The following GPR157 variants were observed in gnomAD, a reference collection of about 807,000 sequenced individuals.
GPR157 encodes G-protein coupled receptor 157.
GPR157 carries 16 observed loss-of-function variants against 23.5 expected under a neutral mutation model. That is an observed-to-expected ratio of 0.68 (90% CI 0.46 to 1.04). The LOEUF (loss-of-function observed/expected upper bound fraction) is 1.04. Ranked by LOEUF, GPR157 falls within the 50% of genes least tolerant of loss-of-function variation. The probability of loss-of-function intolerance (pLI) is 0.00; values close to 1 mark genes in which losing one functional copy is unlikely to be tolerated. For missense variants in GPR157, 440 were observed against 460.7 expected (o/e 0.96, Z 0.41); for synonymous variants, 200 against 221.5 (o/e 0.90, Z 0.86).
intron 1 of GPR157, among the ~76,000 whole-genome samples, chr1:9,114,584 G>A (rs1638593287): frequency 6.6e-6 from 1 of 152,140 alleles, no homozygotes; most frequent in Admixed American, 6.5e-5. Context: ...GGCTCCCTCT[G>A]CATCCCGACG....
intron 2 of GPR157, among the ~76,000 whole-genome samples, chr1:9,110,851 T>C (rs1036734803): frequency 2.0e-5 from 3 of 152,168 alleles, no homozygotes; most frequent in Admixed American, 6.5e-5. Context: ...AGTCTTCCCT[T>C]CCCCTGGGGC....
intron 1 of GPR157, among the ~76,000 whole-genome samples, chr1:9,116,554 A>T (rs748825530): frequency 6.9e-6 from 1 of 145,768 alleles, no homozygotes; most frequent in Non-Finnish European, 1.5e-5. Context: ...CAGCCTGACC[A>T]ACATGGTGAA....
chr1:9,121,567 G>A (rs932113498), intron 1 of GPR157, among the ~76,000 whole-genome samples: 16 of 152,088 alleles, frequency 1.1e-4, no homozygotes, highest in Admixed American at 9.2e-4. Flanking sequence ...TTGAACCCAG[G>A]AAGTGGAAGC....
chr1:9,110,140 T>C (rs1206409238), intron 2 of GPR157, among the ~76,000 whole-genome samples: 1 of 152,178 alleles, frequency 6.6e-6, no homozygotes. Context: ...CTTCTGCCTC[T>C]CTCCAGGAGG....
intron 1 of GPR157, among the ~76,000 whole-genome samples, chr1:9,113,570 G>A (rs1364299896): frequency 6.6e-6 from 1 of 152,146 alleles, no homozygotes; most frequent in South Asian, 2.1e-4. Context: ...AGGGCTGATG[G>A]CAGAGTCACA....
At chr1:9,119,912 G>A (rs1638763576) in intron 1 of GPR157, among the ~76,000 whole-genome samples, 1 of 152,196 alleles carries the variant, frequency 6.6e-6, no homozygotes, top group Admixed American at 6.5e-5. Flanking sequence ...GTGTCGTGGT[G>A]TCGGTCAGAT....
rs146632839 is a variant in GPR157 at position 9,106,388 on chromosome 1, C to T, written c.598-708G>A. Among the ~76,000 whole-genome samples, 1,134 of 152,288 alleles carry T rather than the reference C, an allele frequency of 7.4e-3. 19 individuals carry two copies. The highest frequency in any genetic ancestry group is 0.025 in the African/African-American group (1,039 of 41,550). ...AGGGCTGCTTGAAAACCCGAGTCTGCTCCAGTGAGTCCTCCACTCGGAGCT... is the reference window on the plus strand; with the variant it reads ...AGGGCTGCTTGAAAACCCGAGTCTGTTCCAGTGAGTCCTCCACTCGGAGCT... On this transcript the variant is annotated intron_variant, in intron 2 of 3. Coordinates refer to ENST00000377411, the MANE Select transcript of GPR157 (RefSeq NM_024980.5).
At chr1:9,115,949 C>T (rs566497106) in intron 1 of GPR157, among the ~76,000 whole-genome samples, 1 of 148,376 alleles carries the variant, frequency 6.7e-6, no homozygotes, top group Non-Finnish European at 1.5e-5. Context: ...ACTGCCTGGT[C>T]CACAAAGCTG....
At chr1:9,112,663 G>T (rs1249196329) in intron 1 of GPR157, among the ~76,000 whole-genome samples, 1 of 152,146 alleles carries the variant, frequency 6.6e-6, no homozygotes, top group Non-Finnish European at 1.5e-5. Flanking sequence ...ATGTTGGCCA[G>T]CCTGGTCTTG....
intron 2 of GPR157, among the ~76,000 whole-genome samples, chr1:9,107,826 G>A (rs1247684712): frequency 1.3e-5 from 2 of 152,170 alleles, no homozygotes; most frequent in African/African-American, 2.4e-5. Flanking sequence ...TACTTGGGAG[G>A]CTGAGGCATG....
chr1:9,113,993 ACACAC>A (rs1638577544), intron 1 of GPR157, among the ~76,000 whole-genome samples: 1 of 146,678 alleles, frequency 6.8e-6, no homozygotes, highest in Non-Finnish European at 1.5e-5. Flanking sequence ...ACACACACAC[ACACAC>A]ACCACCCATA....
At position 9,104,590 on chromosome 1, in the gene GPR157, G is replaced by A. The variant is rs372777017; in HGVS notation, c.837C>T (p.Phe279=). The A allele has an allele frequency of 2.1e-5, 34 of 1,612,954 alleles. No homozygotes were observed. Among genetic ancestry groups the A allele is most frequent in the South Asian group, 2.1e-4 (19 of 90,912 alleles). The change falls in exon 4 of 4, where the codon TTC becomes TTT. Residue 279 remains phenylalanine, a synonymous_variant. Coordinates refer to ENST00000377411, the MANE Select transcript of GPR157 (RefSeq NM_024980.5). ...TTCGGACGGCGCGGGTGCAGAGGAC[G>A]AACATGATGCAGTTGGCACCTCCCT... is the stretch of plus-strand genomic sequence containing the variant. The part of the protein sequence containing the change: ...TFQGGANCIM[F]VLCTRAVRTR...
chr1:9,123,163 G>GGTAAAAAAAAAAAAA (rs374439585), intron 1 of GPR157, among the ~76,000 whole-genome samples: 5 of 87,568 alleles, frequency 5.7e-5, no homozygotes, highest in Admixed American at 4.8e-4. Flanking sequence ...TCTTGGGTGG[G>GGTAAAAAAAAAAAAA]AAAAAAAAAA....
intron 1 of GPR157, among the ~76,000 whole-genome samples, chr1:9,121,923 G>A (rs965961727): frequency 2.0e-5 from 3 of 152,198 alleles, no homozygotes; most frequent in Middle Eastern, 3.4e-3. Flanking sequence ...GAACCGGCTC[G>A]GCCAGGACGC....
chr1:9,120,210 G>T lies in GPR157; in HGVS notation c.383+8435C>A, dbSNP rs904866268. On this transcript the variant is annotated intron_variant, in intron 1 of 3. Transcript: ENST00000377411. The surrounding 1 kb of genome is among the most constrained non-coding windows in gnomAD (Gnocchi z 4.1). Reference sequence around the variant, plus strand: ...AAGGGGTCAGAGGTTAGACTGAAGGGGGCTCAAGGCAGAGTCTGCTCAATC... The same window carrying T: ...AAGGGGTCAGAGGTTAGACTGAAGGTGGCTCAAGGCAGAGTCTGCTCAATC... Among the ~76,000 whole-genome samples the T allele has an allele frequency of 4.6e-5, 7 of 152,112 alleles. No homozygotes were observed. The highest frequency in any genetic ancestry group is 3.3e-4 in the Admixed American group (5 of 15,272).
In GPR157 at chr1:9,104,602, G is replaced by A. The variant is rs1320150719; in HGVS notation, c.825C>T (p.Asn275=). 6.2e-7 allele frequency: 1 copy of A among 1,612,058 alleles called. No homozygotes were observed. The highest frequency in any genetic ancestry group is 8.5e-7 in the Non-Finnish European group (1 of 1,178,938). The change falls in exon 4 of 4, where the codon AAC becomes AAT. Residue 275 remains asparagine (N), a synonymous_variant. Coordinates refer to ENST00000377411, the MANE Select transcript of GPR157 (RefSeq NM_024980.5). ...GIGNTFQGGA[N]CIMFVLCTRA... ...GGGTGCAGAGGACGAACATGATGCA[G>A]TTGGCACCTCCCTGAAACGTGTTCC...
intron 2 of GPR157, among the ~76,000 whole-genome samples, chr1:9,110,941 G>A (rs1440409607): frequency 1.3e-5 from 2 of 152,200 alleles, no homozygotes; most frequent in African/African-American, 4.8e-5. Context: ...CCACCAGGGG[G>A]CAGGAGAGGG....
At chr1:9,123,552 A>AATATATATTTAAAAT (rs1553175901) in intron 1 of GPR157, among the ~76,000 whole-genome samples, 2,306 of 92,242 alleles carry the variant, frequency 0.025, 190 homozygotes, top group African/African-American at 0.086. Context: ...ATCTAATTTA[A>AATATATATTTAAAAT]ATATATATTT....
chr1:9,129,058 G>A lies in GPR157; in HGVS notation c.-31C>T. 3.2e-6 allele frequency: 4 copies of A among 1,236,066 alleles called. No individual in the cohort carries two copies. Among genetic ancestry groups the A allele is most frequent in the Non-Finnish European group, 4.0e-6 (4 of 991,148 alleles). The allele number at this position is 1,236,066 out of a possible 1,614,324, so 76.6% of individuals were successfully genotyped here. On this transcript the variant is annotated 5_prime_UTR_variant, in exon 1 of 4. Coordinates refer to ENST00000377411, the MANE Select transcript of GPR157 (RefSeq NM_024980.5). ...GGGGGGCCAGGAGCCGGAGCGCCGCGAGGACAGAAGCCGGGCCGCGCGTGC... is the reference window on the plus strand; with the variant it reads ...GGGGGGCCAGGAGCCGGAGCGCCGCAAGGACAGAAGCCGGGCCGCGCGTGC...
Sources: allele counts gnomAD v4.1 joint callset (sites outside exome capture counted in the v4.1 genomes callset), GRCh38; gene constraint gnomAD v4.1.1; non-coding constraint Gnocchi (gnomAD v3.1); transcripts MANE v1.5; gene names NCBI Gene and HGNC (gene_info 2026-07-23, HGNC 2026-07-21).